The following CSMD1 variants were observed in gnomAD, a reference collection of about 807,000 sequenced individuals.
CSMD1 encodes CUB and Sushi multiple domains 1.
In CSMD1, 213 loss-of-function variants were observed where a neutral mutation model predicts 417.5. The ratio of observed to expected loss-of-function variants is 0.51; its 90% CI spans 0.46 to 0.57. CSMD1 has a LOEUF of 0.57. Ranked by LOEUF, CSMD1 falls within the 20% of genes least tolerant of loss-of-function variation. The pLI is 0.00. For synonymous variants in CSMD1, 2,862 were observed against 1,736.8 expected (o/e 1.65, Z -16.11); for missense variants, 6,923 against 4,529.7 (o/e 1.53, Z -15.17).
intron 5 of CSMD1, among the ~76,000 whole-genome samples, chr8:3,856,628 C>G (rs141703902): frequency 3.3e-5 from 5 of 152,296 alleles, no homozygotes; most frequent in Middle Eastern, 3.4e-3. Context: ...TGGTGCCCCT[C>G]CCTGCAGCAG....
intron 3 of CSMD1, among the ~76,000 whole-genome samples, chr8:4,229,444 C>G (rs1195704750): frequency 6.6e-6 from 1 of 152,190 alleles, no homozygotes; most frequent in Non-Finnish European, 1.5e-5. Context: ...TTTCAACAAC[C>G]TTACAGAAGA....
chr8:3,436,683 A>C (rs973649518), intron 12 of CSMD1, among the ~76,000 whole-genome samples: 17 of 152,190 alleles, frequency 1.1e-4, no homozygotes, highest in African/African-American at 3.6e-4. Context: ...ATTGTTCTAT[A>C]TACGCGACAC....
chr8:2,993,528 A>G (rs1806595771), intron 54 of CSMD1, among the ~76,000 whole-genome samples: 1 of 152,170 alleles, frequency 6.6e-6, no homozygotes, highest in Admixed American at 6.5e-5. Flanking sequence ...CTACTTTAAA[A>G]ATATTTTTTA....
intron 10 of CSMD1, among the ~76,000 whole-genome samples, chr8:3,539,690 G>T (rs984535804): frequency 6.6e-6 from 1 of 151,366 alleles, no homozygotes; most frequent in African/African-American, 2.4e-5. Context: ...CAAATCAAGT[G>T]TGGGATAACA....
intron 14 of CSMD1, among the ~76,000 whole-genome samples, chr8:3,407,638 G>C (rs1034891245): frequency 6.6e-6 from 1 of 152,106 alleles, no homozygotes; most frequent in Non-Finnish European, 1.5e-5. Flanking sequence ...AAACCGGAGA[G>C]AAAGAGATGT....
Position 3,564,091 on chromosome 8 carries a change from A to G in CSMD1, c.1344+10854T>C, listed in dbSNP as rs142017507. ...TACATGTATATGATGCATAATGACC[A>G]AACAGTGTAACAGGAATACTCATCA... On this transcript the variant is annotated intron_variant, in intron 10 of 69. Coordinates refer to ENST00000635120, the MANE Select transcript of CSMD1 (RefSeq NM_033225.6). 5.3e-3 allele frequency among the ~76,000 whole-genome samples: 809 copies of G among 152,302 alleles called. 8 individuals carry two copies. Among genetic ancestry groups the G allele is most frequent in the African/African-American group, 0.018 (753 of 41,558 alleles).
intron 18 of CSMD1, among the ~76,000 whole-genome samples, chr8:3,384,698 AATT>A (rs1311614218): frequency 9.2e-6 from 1 of 109,150 alleles, no homozygotes. Context: ...TATTTATATA[AATT>A]ATATATAAAT....
At chr8:4,193,215 T>G (rs981324286) in intron 3 of CSMD1, among the ~76,000 whole-genome samples, 8 of 152,160 alleles carry the variant, frequency 5.3e-5, no homozygotes, top group African/African-American at 1.7e-4. Context: ...GAAAGCAAAG[T>G]TGTAGCTGCC....
chr8:3,215,619 A>G (rs996315741), intron 29 of CSMD1, among the ~76,000 whole-genome samples: 2 of 152,258 alleles, frequency 1.3e-5, no homozygotes, highest in Admixed American at 6.5e-5. Flanking sequence ...AAGTAAAAAT[A>G]CAAAACCTTT....
intron 10 of CSMD1, among the ~76,000 whole-genome samples, chr8:3,547,320 G>C (rs12156282): frequency 0.03 from 4,596 of 152,268 alleles, 173 homozygotes; most frequent in African/African-American, 0.086. Context: ...GCTTATTTCA[G>C]TTTCTAAGTG....
At chr8:3,128,535 C>G (rs184090105) in intron 41 of CSMD1, 103 of 263,690 alleles carry the variant, frequency 3.9e-4, no homozygotes, top group African/African-American at 2.2e-3. Flanking sequence ...TAATTATAAG[C>G]TTAGCTTCTA....
chr8:3,324,222 CAGAGACCCGGGAGGGGGAGTTTCCTT>C (rs1806359533), intron 23 of CSMD1, among the ~76,000 whole-genome samples: 1 of 132,624 alleles, frequency 7.5e-6, no homozygotes, highest in Non-Finnish European at 1.6e-5. Context: ...CACCCAACCC[CAGAGACCCGGGAGGGGGAGTTTCCTT>C]CACCCCACCT....
chr8:3,824,997 TA>T (rs1489810284), intron 5 of CSMD1, among the ~76,000 whole-genome samples: 7 of 152,310 alleles, frequency 4.6e-5, no homozygotes, highest in African/African-American at 1.7e-4. Flanking sequence ...TTAAAATTTT[TA>T]AATATGAAAT....
intron 11 of CSMD1, among the ~76,000 whole-genome samples, chr8:3,483,260 T>C (rs112089073): frequency 0.019 from 2,881 of 151,886 alleles, 105 homozygotes; most frequent in African/African-American, 0.065. Context: ...GAGAGAGAGA[T>C]AGAAGGGAAC....
intron 26 of CSMD1, among the ~76,000 whole-genome samples, chr8:3,280,721 AAAT>A (rs1802668513): frequency 1.6e-5 from 1 of 64,112 alleles, no homozygotes; most frequent in South Asian, 4.5e-4. Flanking sequence ...ACTGAGTAAA[AAAT>A]AGTAATTGTC....
intron 1 of CSMD1, among the ~76,000 whole-genome samples, chr8:4,966,322 T>A (rs1300648059): frequency 6.6e-6 from 1 of 151,808 alleles, no homozygotes; most frequent in Non-Finnish European, 1.5e-5. Context: ...AAGGTTGCAG[T>A]GAGCCAAGAT....
intron 2 of CSMD1, among the ~76,000 whole-genome samples, chr8:4,625,529 G>A (rs537693845): frequency 1.3e-5 from 2 of 151,952 alleles, no homozygotes; most frequent in African/African-American, 4.8e-5. Context: ...CTCCCTACCT[G>A]AACCATCTCT....
chr8:4,125,662 A>C (rs1469727908), intron 3 of CSMD1, among the ~76,000 whole-genome samples: 1 of 152,192 alleles, frequency 6.6e-6, no homozygotes, highest in Non-Finnish European at 1.5e-5. Flanking sequence ...TGTTGCTTCT[A>C]ACCTTTAAGT....
intron 3 of CSMD1, among the ~76,000 whole-genome samples, chr8:4,383,056 TC>T (rs1340504397): frequency 1.3e-5 from 2 of 152,176 alleles, no homozygotes; most frequent in African/African-American, 2.4e-5. Context: ...GCATTAGGAT[TC>T]GGGAGTAATA....
Sources: allele counts gnomAD v4.1 joint callset (sites outside exome capture counted in the v4.1 genomes callset), GRCh38; gene constraint gnomAD v4.1.1; transcripts MANE v1.5; gene names NCBI Gene and HGNC (gene_info 2026-07-23, HGNC 2026-07-21).